COL6A5: variants seen among roughly 807,000 people sequenced by gnomAD.
COL6A5 encodes collagen type VI alpha 5 chain.
COL6A5 carries 48 observed loss-of-function variants against 65.6 expected under a neutral mutation model. The ratio of observed to expected loss-of-function variants is 0.73; its 90% CI spans 0.58 to 0.93. COL6A5 has a LOEUF of 0.93. Ranked by LOEUF, COL6A5 falls within the 40% of genes least tolerant of loss-of-function variation. The probability of loss-of-function intolerance (pLI) is 0.00; values close to 1 mark genes in which losing one functional copy is unlikely to be tolerated. For synonymous variants in COL6A5, 291 were observed against 322.8 expected, an observed-to-expected ratio of 0.90 and a Z score of 1.05; for missense variants, 914 against 928.3, an observed-to-expected ratio of 0.98 and a Z score of 0.20.
intron 1 of COL6A5, among the ~76,000 whole-genome samples, chr3:130,350,382 A>G (rs183910926): frequency 1.4e-4 from 22 of 152,362 alleles, no homozygotes; most frequent in Admixed American, 5.9e-4. Context: ...CCCTGTTTGC[A>G]GATGAAATGA....
intron 29 of COL6A5, among the ~76,000 whole-genome samples, chr3:130,425,545 G>A (rs1026906543): frequency 6.6e-6 from 1 of 152,152 alleles, no homozygotes; most frequent in Non-Finnish European, 1.5e-5. Context: ...GGAGCAAAGA[G>A]AAAAGCTCAA....
chr3:130,373,105 G>C (rs1161519374), intron 1 of COL6A5, among the ~76,000 whole-genome samples: 6 of 152,192 alleles, frequency 3.9e-5, no homozygotes, highest in African/African-American at 1.2e-4. Flanking sequence ...ACGTGTAGCT[G>C]TTGGCTTTTT....
chr3:130,411,806 G>T (rs1197958868), intron 20 of COL6A5, among the ~76,000 whole-genome samples: 3 of 152,112 alleles, frequency 2.0e-5, no homozygotes, highest in Non-Finnish European at 4.4e-5. Context: ...CCAATTACAG[G>T]ACATGAGGCT....
Position 130,403,599 on chromosome 3 carries a change from T to C in COL6A5, c.4228-10T>C. ...GTGACTAAAATGTATTGTTCTCTCT[T>C]TCTTCCCAGGGTTCTCAAGGTCTGA... On this transcript the variant is annotated splice_polypyrimidine_tract_variant and intron_variant and NMD_transcript_variant, in intron 12 of 41. Transcript: ENST00000312481. The C allele has an allele frequency of 6.4e-7, 1 of 1,550,686 alleles. No homozygotes were observed. Among genetic ancestry groups the C allele is most frequent in the Non-Finnish European group, 8.7e-7 (1 of 1,146,360 alleles).
intron 5 of COL6A5, among the ~76,000 whole-genome samples, chr3:130,461,260 C>T (rs1709695518): frequency 6.6e-6 from 1 of 151,860 alleles, no homozygotes; most frequent in South Asian, 2.1e-4. Flanking sequence ...AAAAAAGTGG[C>T]ATGCTTTGGG....
chr3:130,369,965 T>C (rs1252798898), intron 1 of COL6A5, among the ~76,000 whole-genome samples: 2 of 152,168 alleles, frequency 1.3e-5, no homozygotes, highest in African/African-American at 4.8e-5. Flanking sequence ...CATTTGAAAG[T>C]GTGAGAAAGG....
intron 24 of COL6A5, among the ~76,000 whole-genome samples, chr3:130,417,413 C>T (rs1937375974): frequency 6.6e-6 from 1 of 152,112 alleles, no homozygotes; most frequent in South Asian, 2.1e-4. Flanking sequence ...TGTACTCTTC[C>T]TTCCATTGAG....
At position 130,478,024 on chromosome 3, in the gene COL6A5, G is replaced by C. The variant is rs150198414; in HGVS notation, c.2329-6011G>C. On this transcript the variant is annotated intron_variant, in intron 7 of 7. Transcript: ENST00000512836. ...GTTGAAAGAGTTAATCCTGGAGCCA[G>C]CTGTAAATTTGAATCCTATTTCTGC... Among the ~76,000 whole-genome samples the C allele has an allele frequency of 3.5e-3, 535 of 152,158 alleles. 3 individuals are homozygous for C. Among genetic ancestry groups the C allele is most frequent in the African/African-American group, 0.012 (506 of 41,540 alleles).
chr3:130,478,678 A>G (rs1485141974), intron 7 of COL6A5, among the ~76,000 whole-genome samples: 1 of 152,036 alleles, frequency 6.6e-6, no homozygotes, highest in Non-Finnish European at 1.5e-5. Flanking sequence ...GTAGGGAGGT[A>G]TGTGGGGTGG....
At chr3:130,373,553 C>T (rs1935641105) in intron 1 of COL6A5, 58 bp from the exon 2 acceptor site, 1 of 772,336 alleles carries the variant, frequency 1.3e-6, no homozygotes, top group African/African-American at 1.8e-5. Context: ...ACTATCCTGA[C>T]AGTTACTTAA....
chr3:130,381,828 T>G (rs371762201), intron 4 of COL6A5, among the ~76,000 whole-genome samples: 1 of 152,112 alleles, frequency 6.6e-6, no homozygotes, highest in Non-Finnish European at 1.5e-5. Context: ...AGGAGGGATA[T>G]GTGGCATAGT....
chr3:130,454,348 A>C (rs1709516371), intron 4 of COL6A5, among the ~76,000 whole-genome samples: 1 of 152,170 alleles, frequency 6.6e-6, no homozygotes, highest in Non-Finnish European at 1.5e-5. Flanking sequence ...ATTCTCCACC[A>C]CATATCTTCA....
At chr3:130,362,409 A>G (rs1410018997) in intron 1 of COL6A5, among the ~76,000 whole-genome samples, 4 of 146,714 alleles carry the variant, frequency 2.7e-5, no homozygotes, top group African/African-American at 5.1e-5. Flanking sequence ...GCTCCATTGT[A>G]TAGCATTTGC....
chr3:130,345,774 G>A (rs370850410), exon 1 of COL6A5: 12 of 398,516 alleles, frequency 3.0e-5, no homozygotes, highest in Middle Eastern at 1.2e-3. Context: ...GGCACGAGGC[G>A]TTCGCTGCGG....
At chr3:130,468,698 A>C in intron 5 of COL6A5, 97 bp from the exon 38 acceptor site, 1 of 785,278 alleles carries the variant, frequency 1.3e-6, no homozygotes, top group Non-Finnish European at 2.0e-6. Context: ...GAAATGCAGC[A>C]TGGTAATAAC....
At chr3:130,462,799 C>T (rs1236822438) in intron 5 of COL6A5, among the ~76,000 whole-genome samples, 2 of 152,080 alleles carry the variant, frequency 1.3e-5, no homozygotes, top group African/African-American at 4.8e-5. Context: ...TCAGAAGGAA[C>T]AGCCATTGGC....
exon 4 of COL6A5, chr3:130,379,601 A>G (rs1215766031): frequency 3.9e-6 from 6 of 1,551,490 alleles, no homozygotes; most frequent in East Asian, 4.9e-5. Context: ...AATAGTGCCA[A>G]GACTATTTCT....
At chr3:130,469,537 C>G in intron 6 of COL6A5, 56 bp downstream of exon 38, 1 of 1,363,322 alleles carries the variant, frequency 7.3e-7, no homozygotes, top group Non-Finnish European at 1.0e-6. Context: ...TTTCTGTGTA[C>G]AGTCCATCAG....
upstream of COL6A5, chr3:130,431,300 A>G (rs1937790521): frequency 2.5e-6 from 2 of 784,830 alleles, no homozygotes; most frequent in Admixed American, 4.0e-5. Flanking sequence ...TCAAGTTTGC[A>G]GGCCAGATTT....
Sources: gnomAD v4.1 joint callset for allele counts (sites outside exome capture counted in the v4.1 genomes callset) on GRCh38, gnomAD v4.1.1 for gene constraint, MANE v1.5 for transcripts, NCBI Gene and HGNC (gene_info 2026-07-23, HGNC 2026-07-21) for gene names.